APPL2: variants seen among roughly 807,000 people sequenced by gnomAD.
APPL2 encodes the protein adaptor protein, phosphotyrosine interacting with PH domain and leucine zipper 2, also known as DCC-interacting protein 13-beta.
Under a neutral mutation model 92.7 loss-of-function variants are expected in APPL2, and 84 were observed. That is an observed-to-expected ratio of 0.91 (90% CI 0.76 to 1.09). The LOEUF is 1.09. Among genes scored for constraint, APPL2 ranks in the 50% least tolerant of loss-of-function variants. APPL2 has a pLI of 0.00. For synonymous variants in APPL2, 291 were observed against 291.0 expected (o/e 1.00, Z 0.00); for missense variants, 736 against 824.5 (o/e 0.89, Z 1.31).
intron 20 of APPL2, 85 bp downstream of exon 20, chr12:105,175,950 C>T: frequency 7.6e-7 from 1 of 1,317,070 alleles, no homozygotes; most frequent in South Asian, 1.5e-5. Context: ...CAGTGAACAT[C>T]ACTTTTCTTT....
intron 5 of APPL2, among the ~76,000 whole-genome samples, chr12:105,208,565 T>C (rs1199670055): frequency 6.6e-6 from 1 of 152,060 alleles, no homozygotes; most frequent in Admixed American, 6.5e-5. Context: ...CCAGATAGAG[T>C]GTCTTAATAC....
chr12:105,220,796 A>G (rs1051577737), intron 2 of APPL2, among the ~76,000 whole-genome samples: 3 of 152,232 alleles, frequency 2.0e-5, no homozygotes, highest in Admixed American at 6.5e-5. Context: ...CCACTCACAC[A>G]GCCACACAGC....
Position 105,208,280 on chromosome 12 carries a change from A to G in APPL2, c.374-81T>C, listed in dbSNP as rs537952552. ...CAGAGCTCTGCACTTTCCCCTGAAA[A>G]TAAGAGAATATGCGTGCAAGGGAAG... On this transcript the variant is annotated intron_variant, in intron 5 of 20. Transcript: ENST00000258530. The G allele has an allele frequency of 1.2e-3, 1,804 of 1,530,374 alleles. 2 individuals carry two copies. The highest frequency in any genetic ancestry group is 1.1e-3 in the Non-Finnish European group (1,242 of 1,106,674). The allele number at this position is 1,530,374 out of a possible 1,614,324, so 94.8% of individuals were successfully genotyped here.
intron 17 of APPL2, among the ~76,000 whole-genome samples, chr12:105,180,673 G>T (rs1396470016): frequency 6.6e-6 from 1 of 152,040 alleles, no homozygotes; most frequent in African/African-American, 2.4e-5. Flanking sequence ...CCTTGAAGAG[G>T]TCCTTCACAT....
Position 105,197,964 on chromosome 12 carries a change from T to C in APPL2, c.864-11A>G, listed in dbSNP as rs1257019555. ...ACCAGCCCTGTTTTGCTGTGAGTTG[T>C]GTTTTAAAAAGCCCATTAGTACCAG... On this transcript the variant is annotated splice_polypyrimidine_tract_variant and intron_variant, in intron 10 of 20. Transcript: ENST00000258530. 6.2e-7 allele frequency: 1 copy of C among 1,611,540 alleles called. No individual in the cohort carries two copies. Among genetic ancestry groups the C allele is most frequent in the African/African-American group, 1.3e-5 (1 of 74,706 alleles).
In APPL2 at chr12:105,189,045, G is replaced by T. The variant is rs964423351; in HGVS notation, c.1460-598C>A. 6.6e-5 allele frequency among the ~76,000 whole-genome samples: 10 copies of T among 152,144 alleles called. No individual in the cohort carries two copies. The South Asian group carries it at 1.7e-3, about 25-fold the overall frequency. ...TCTTTTTTTTCTTTTTTGAGACAGGGTCTCACTCTGTAGCCCAGGCTGGAG... is the reference window on the plus strand; with the variant it reads ...TCTTTTTTTTCTTTTTTGAGACAGGTTCTCACTCTGTAGCCCAGGCTGGAG... On this transcript the variant is annotated intron_variant, in intron 16 of 20. Transcript: ENST00000258530.
chr12:105,176,643 T>C (rs868405009), intron 19 of APPL2, among the ~76,000 whole-genome samples: 3 of 152,226 alleles, frequency 2.0e-5, no homozygotes, highest in Admixed American at 6.5e-5. Context: ...TAATATGTCT[T>C]GCCATGAAAT....
Position 105,208,036 on chromosome 12 carries a change from A to C in APPL2, c.416-7T>G, listed in dbSNP as rs747193696. 3 of 1,614,210 alleles carry C rather than the reference A, an allele frequency of 1.9e-6. No individual in the cohort carries two copies. Among genetic ancestry groups the C allele is most frequent in the Non-Finnish European group, 2.5e-6 (3 of 1,180,022 alleles). On this transcript the variant is annotated splice_region_variant and splice_polypyrimidine_tract_variant and intron_variant, in intron 6 of 20. Transcript: ENST00000258530. ...GCCATTGAGAGGTCATGCTCTAAAAATAAACAGACATCTGAACACCCAGGA... is the reference window on the plus strand; with the variant it reads ...GCCATTGAGAGGTCATGCTCTAAAACTAAACAGACATCTGAACACCCAGGA...
chr12:105,202,548 C>T (rs972007553), intron 9 of APPL2, among the ~76,000 whole-genome samples: 1 of 152,162 alleles, frequency 6.6e-6, no homozygotes, highest in East Asian at 1.9e-4. Context: ...GAGGAAGAGA[C>T]AGTGAAAGAT....
intron 14 of APPL2, 47 bp downstream of exon 14, chr12:105,195,214 A>G: frequency 2.6e-6 from 4 of 1,563,100 alleles, no homozygotes; most frequent in Non-Finnish European, 3.5e-6. Context: ...ATTCCTAATC[A>G]ATAATTTGGC....
In APPL2 at chr12:105,217,761, C is replaced by T. The variant is rs778844459; in HGVS notation, c.154-36G>A. 3.1e-6 allele frequency: 5 copies of T among 1,595,500 alleles called. No individual in the cohort carries two copies. In the South Asian group the frequency reaches 4.4e-5, roughly 14 times the overall value. On this transcript the variant is annotated intron_variant, in intron 2 of 20. Transcript: ENST00000258530. ...AAGAGAAAAAGCAAGTAAGATTAGT[C>T]CAATGTATACATAGTCACTGAAAAA...
intron 17 of APPL2, among the ~76,000 whole-genome samples, chr12:105,180,582 T>G (rs1443457220): frequency 1.3e-5 from 2 of 152,272 alleles, no homozygotes; most frequent in African/African-American, 4.8e-5. Flanking sequence ...ACGATATTGA[T>G]TCTTCCTATC....
chr12:105,217,812 A>T, intron 2 of APPL2, 87 bp from the exon 3 acceptor site: 2 of 1,307,824 alleles, frequency 1.5e-6, no homozygotes, highest in South Asian at 2.4e-5. Flanking sequence ...TCCCTTAAAA[A>T]GTAATATTGG....
At chr12:105,174,865 C>CT (rs1309180774) in intron 20 of APPL2, among the ~76,000 whole-genome samples, 3 of 60,132 alleles carry the variant, frequency 5.0e-5, no homozygotes, top group South Asian at 9.7e-4. Context: ...GCTGCTGCTG[C>CT]TTTTTTTTGG....
At position 105,217,365 on chromosome 12, in the gene APPL2, T is replaced by C. The variant is rs1356958715; in HGVS notation, c.214-225A>G. On this transcript the variant is annotated intron_variant, in intron 3 of 20. Transcript: ENST00000258530. ...TGGCCATTCCTTTCTGTCAAACATA[T>C]TTTTTGACTTTATTTGAGTGTTTAT... 3.3e-5 allele frequency among the ~76,000 whole-genome samples: 5 copies of C among 152,204 alleles called. No individual in the cohort carries two copies. The East Asian group carries it at 9.6e-4, about 29-fold the overall frequency.
chr12:105,178,236 A>G (rs1885743488), intron 17 of APPL2, among the ~76,000 whole-genome samples: 1 of 152,224 alleles, frequency 6.6e-6, no homozygotes. Flanking sequence ...GTGTTGGAAT[A>G]ATTAACATGC....
At chr12:105,192,097 T>C (rs2440701) in intron 14 of APPL2, among the ~76,000 whole-genome samples, 151,608 of 152,260 alleles carry the variant, frequency 1, 75,478 homozygotes, top group Middle Eastern at 1. Flanking sequence ...AACTCTTCTT[T>C]TTTTTAAAAA....
Position 105,176,869 on chromosome 12 carries a change from A to T in APPL2, c.1812+7T>A, listed in dbSNP as rs1885592910. The T allele has an allele frequency of 3.7e-6, 6 of 1,613,246 alleles. No homozygotes were observed. Among genetic ancestry groups the T allele is most frequent in the South Asian group, 3.3e-5 (3 of 90,978 alleles). Reference sequence around the variant, plus strand: ...GATATTATGGGATCTTCACATGAAAAAGAGACCTTTTCGCCTTCTGAGTTG... The same window carrying T: ...GATATTATGGGATCTTCACATGAAATAGAGACCTTTTCGCCTTCTGAGTTG... On this transcript the variant is annotated splice_region_variant and intron_variant, in intron 19 of 20. Transcript: ENST00000258530.
chr12:105,222,316 A>C (rs1890166589), intron 2 of APPL2, among the ~76,000 whole-genome samples: 1 of 152,084 alleles, frequency 6.6e-6, no homozygotes, highest in African/African-American at 2.4e-5. Context: ...AAAACACTGA[A>C]GTGGGAGAGA....
Sources: gnomAD v4.1 joint callset for allele counts (sites outside exome capture counted in the v4.1 genomes callset) on GRCh38, gnomAD v4.1.1 for gene constraint, MANE v1.5 for transcripts, NCBI Gene and HGNC (gene_info 2026-07-23, HGNC 2026-07-21) for gene names.